Variants in SATB1 observed in about 807,000 individuals in gnomAD.
SATB1 encodes the protein SATB homeobox 1.
SATB1 carries 11 observed loss-of-function variants against 86.9 expected under a neutral mutation model. That is an observed-to-expected ratio of 0.13 (90% CI 0.08 to 0.21). SATB1 has a LOEUF of 0.21. SATB1 is among the 10% of genes least tolerant of loss of function. The pLI, the probability that SATB1 is intolerant of heterozygous loss-of-function variation, is 1.00. For missense variants in SATB1, 551 were observed against 937.6 expected (o/e 0.59, Z 5.39); for synonymous variants, 357 against 357.2 (o/e 1.00, Z 0.01).
intron 2 of SATB1, chr3:18,434,918 C>T (rs1699010565): frequency 6.6e-6 from 1 of 151,584 alleles, no homozygotes; most frequent in Non-Finnish European, 1.5e-5. Flanking sequence ...CACCAGATTC[C>T]ATCTGTTACA....
intron 9 of SATB1, among the ~76,000 whole-genome samples, chr3:18,373,499 T>C (rs1695576453): frequency 6.6e-6 from 1 of 152,224 alleles, no homozygotes; most frequent in Non-Finnish European, 1.5e-5. Flanking sequence ...TTTGTCACTA[T>C]AGATCTATTT....
At chr3:18,415,972 G>T (rs372661022) in intron 4 of SATB1, 35 bp downstream of exon 4, 353 of 1,532,470 alleles carry the variant, frequency 2.3e-4, no homozygotes, top group Non-Finnish European at 2.9e-4. Flanking sequence ...CAGGTAAGAA[G>T]AATGTTTCAC....
intron 5 of SATB1, among the ~76,000 whole-genome samples, chr3:18,398,540 AT>A (rs1697079004): frequency 6.6e-6 from 1 of 152,168 alleles, no homozygotes; most frequent in Admixed American, 6.5e-5. Context: ...GTTACCTCTA[AT>A]GTAAAGCTCT....
At chr3:18,381,752 G>A (rs1696075179) in intron 8 of SATB1, among the ~76,000 whole-genome samples, 1 of 151,848 alleles carries the variant, frequency 6.6e-6, no homozygotes, top group Non-Finnish European at 1.5e-5. Context: ...TTATTTTTCA[G>A]GGTATAAAAA....
chr3:18,389,720 C>T (rs377682262), intron 7 of SATB1, among the ~76,000 whole-genome samples: 1 of 152,010 alleles, frequency 6.6e-6, no homozygotes, highest in Admixed American at 6.6e-5. Context: ...TCATCAGTAT[C>T]AAGAATCATT....
chr3:18,354,862 AATATTTTGCTC>A (rs1271167703), intron 9 of SATB1, among the ~76,000 whole-genome samples: 1 of 152,128 alleles, frequency 6.6e-6, no homozygotes, highest in Non-Finnish European at 1.5e-5. Flanking sequence ...TCATTCAACA[AATATTTTGCTC>A]ATATTGTCAC....
chr3:18,398,675 C>A (rs193260727), intron 5 of SATB1, among the ~76,000 whole-genome samples: 3 of 151,980 alleles, frequency 2.0e-5, no homozygotes, highest in Non-Finnish European at 4.4e-5. Context: ...AAGCTGGAGT[C>A]GCATTATTTA....
intron 1 of SATB1, among the ~76,000 whole-genome samples, chr3:18,422,677 G>A (rs908474241): frequency 2.6e-5 from 4 of 152,140 alleles, no homozygotes; most frequent in African/African-American, 9.7e-5. Flanking sequence ...GGATAACACA[G>A]AGCTTTTTCT....
chr3:18,392,803 T>C (rs1229704287), intron 7 of SATB1, among the ~76,000 whole-genome samples: 1 of 152,072 alleles, frequency 6.6e-6, no homozygotes, highest in African/African-American at 2.4e-5. Flanking sequence ...TTTGAGCCAT[T>C]CATTTTCAAT....
intron 9 of SATB1, among the ~76,000 whole-genome samples, chr3:18,374,479 A>T (rs1159623310): frequency 6.6e-6 from 1 of 152,198 alleles, no homozygotes; most frequent in African/African-American, 2.4e-5. Flanking sequence ...TTGAATACCC[A>T]GAATATAAAG....
chr3:18,411,751 T>C lies in SATB1; in HGVS notation c.639+3360A>G, dbSNP rs550149075. Among the ~76,000 whole-genome samples the C allele has an allele frequency of 2.0e-5, 3 of 151,716 alleles. No homozygotes were observed. In the South Asian group the frequency reaches 6.3e-4, roughly 32 times the overall value. ...AACCTCAGACCTATAATGAGCTAAG[T>C]GTTTCTTATGTCTTAGAACATTTTA... On this transcript the variant is annotated intron_variant, in intron 5 of 10. Transcript: ENST00000338745.
At position 18,345,590 on chromosome 3, in the gene SATB1, A is replaced by G. The variant is rs1694011021; in HGVS notation, c.*3580T>C. The G allele has an allele frequency of 6.6e-6, 1 of 152,118 alleles. No individual in the cohort carries two copies. The highest frequency in any genetic ancestry group is 2.1e-4 in the South Asian group (1 of 4,832). 9.4% of individuals were successfully genotyped at this position (152,118 alleles called of 1,614,324 possible). ...TTAAAAGGATTGCCTCAGAAGAAAC[A>G]TTGAATTCATAAGCCCTCTTAAAAA... On this transcript the variant is annotated 3_prime_UTR_variant, in exon 11 of 11. Transcript: ENST00000338745.
chr3:18,378,154 T>C lies in SATB1; in HGVS notation c.1575+16A>G, dbSNP rs1214790591. On this transcript the variant is annotated intron_variant, in intron 9 of 10. Transcript: ENST00000338745. Reference sequence around the variant, plus strand: ...AACACAGATAAACATTCTCAATGCCTAACAGAGGCTCTTACCTGGCTTTTG... The same window carrying C: ...AACACAGATAAACATTCTCAATGCCCAACAGAGGCTCTTACCTGGCTTTTG... 5.1e-6 allele frequency: 8 copies of C among 1,556,386 alleles called. No homozygotes were observed. In the African/African-American group the frequency reaches 8.4e-5, roughly 16 times the overall value.
intron 9 of SATB1, among the ~76,000 whole-genome samples, chr3:18,353,978 T>C (rs1408092161): frequency 1.3e-5 from 2 of 152,356 alleles, no homozygotes; most frequent in East Asian, 1.9e-4. Flanking sequence ...GAAAGACTGT[T>C]AGCTAAATAA....
intron 3 of SATB1, among the ~76,000 whole-genome samples, chr3:18,416,630 T>TC (rs1458669486): frequency 6.6e-6 from 1 of 152,004 alleles, no homozygotes; most frequent in African/African-American, 2.4e-5. Flanking sequence ...TCCTTGTGGG[T>TC]CCTCAGTGGA....
At position 18,400,016 on chromosome 3, in the gene SATB1, AAGAGACTGC is replaced by A. The variant is rs1234513929; in HGVS notation, c.640-2735_640-2727del. Among the ~76,000 whole-genome samples the A allele has an allele frequency of 2.0e-5, 3 of 152,182 alleles. No homozygotes were observed. In the East Asian group the frequency reaches 5.8e-4, roughly 29 times the overall value. The stretch of plus-strand genomic sequence containing the variant: ...CAGCCAGCCGGTTTCAATGGCAGGA[AAGAGACTGC>A]AGAATTTTGTGGTGCACATGGCATT... On this transcript the variant is annotated intron_variant, in intron 5 of 10. Coordinates refer to ENST00000338745, the MANE Select transcript of SATB1 (RefSeq NM_002971.6).
intron 5 of SATB1, among the ~76,000 whole-genome samples, chr3:18,401,535 C>A (rs1034964503): frequency 5.3e-5 from 8 of 152,072 alleles, no homozygotes; most frequent in Non-Finnish European, 1.0e-4. Flanking sequence ...ACTTGTATGG[C>A]AAGTTTCCTA....
At chr3:18,431,318 A>G (rs1698884134) in intron 2 of SATB1, among the ~76,000 whole-genome samples, 1 of 151,968 alleles carries the variant, frequency 6.6e-6, no homozygotes, top group Admixed American at 6.6e-5. Context: ...AGCCTTCTCC[A>G]GTTGTTAGTT....
intron 9 of SATB1, among the ~76,000 whole-genome samples, chr3:18,367,811 A>G (rs1045416023): frequency 3.3e-5 from 5 of 152,328 alleles, no homozygotes; most frequent in Admixed American, 6.5e-5. Context: ...GTTTGCAAAC[A>G]TGAAAAACTG....
Sources: gnomAD v4.1 joint callset for allele counts (sites outside exome capture counted in the v4.1 genomes callset) on GRCh38, gnomAD v4.1.1 for gene constraint, MANE v1.5 for transcripts, NCBI Gene and HGNC (gene_info 2026-07-23, HGNC 2026-07-21) for gene names.